The following SLK variants were observed in gnomAD, a reference collection of about 807,000 sequenced individuals.
The protein encoded by SLK is STE20 like kinase, also known as STE20-like serine/threonine-protein kinase.
Under a neutral mutation model 147.7 loss-of-function variants are expected in SLK, and 67 were observed. The observed-to-expected ratio is 0.45, with a 90% confidence interval of 0.37 to 0.56. The LOEUF is 0.56. Ranked by LOEUF, SLK falls within the 20% of genes least tolerant of loss-of-function variation. The pLI, the probability that SLK is intolerant of heterozygous loss-of-function variation, is 0.00. For missense variants in SLK, 1,136 were observed against 1,438.8 expected (o/e 0.79, Z 3.41); for synonymous variants, 441 against 475.0 (o/e 0.93, Z 0.93).
rs770233096 is a variant in SLK, at chr10:104,003,044, C to T, written c.1866C>T (p.Asn622=). 45 of 1,613,698 alleles carry T rather than the reference C, an allele frequency of 2.8e-5. No homozygotes were observed. Among genetic ancestry groups the T allele is most frequent in the Non-Finnish European group, 3.7e-5 (44 of 1,179,878 alleles). Residue 622 remains asparagine (N), a synonymous_variant, in exon 9 of 19, where the codon AAC becomes AAT. Coordinates refer to ENST00000369755, the MANE Select transcript of SLK (RefSeq NM_014720.4). ...GTAAAAATAAGGAACAAGCAATAAA[C>T]AGTTCAGAGAACATAATGGACATCA... is the stretch of plus-strand genomic sequence containing the variant. ...EEGKNKEQAI[N]SSENIMDINE... is the part of the protein sequence containing the mutation.
chr10:103,989,460 G>GTTTTTTTTTT (rs1202426790), intron 1 of SLK, among the ~76,000 whole-genome samples: 13 of 96,808 alleles, frequency 1.3e-4, no homozygotes, highest in African/African-American at 6.1e-4. Flanking sequence ...CAGTGTGGCA[G>GTTTTTTTTTT]TTTCTTTTTT....
At chr10:103,973,235 A>C (rs1843817392) in intron 1 of SLK, among the ~76,000 whole-genome samples, 1 of 152,074 alleles carries the variant, frequency 6.6e-6, no homozygotes, top group Non-Finnish European at 1.5e-5. Context: ...GTCCAGTTTC[A>C]TTTTTTTCCC....
intron 18 of SLK, among the ~76,000 whole-genome samples, chr10:104,024,467 T>G (rs1394749873): frequency 6.6e-6 from 1 of 152,184 alleles, no homozygotes; most frequent in Non-Finnish European, 1.5e-5. Flanking sequence ...CCTCTCCCAC[T>G]AGCCACTTTG....
intron 17 of SLK, among the ~76,000 whole-genome samples, chr10:104,021,300 C>T (rs936851306): frequency 5.9e-5 from 9 of 152,172 alleles, no homozygotes; most frequent in African/African-American, 1.2e-4. Flanking sequence ...ATTCTGTACT[C>T]ACGGGTAAAA....
rs776856700 is a variant in SLK, at chr10:104,019,739, A to G, written c.3138A>G (p.Thr1046=). Residue 1046 remains threonine, a synonymous_variant, in exon 16 of 19, where the codon ACA becomes ACG. Transcript: ENST00000369755. ...TCTATTTAAAACTTTCATAGGAAAC[A>G]GAGCAAATGCAGCGTTACAATCAAA... The part of the protein sequence containing the change: ...HQLLKRHEKE[T]EQMQRYNQRL... The G allele has an allele frequency of 1.1e-5, 18 of 1,612,964 alleles. No homozygotes were observed. In the African/African-American group the frequency reaches 2.3e-4, roughly 20 times the overall value.
chr10:104,026,612 C>T lies in SLK; in HGVS notation c.*892C>T, dbSNP rs563402371. ...CTGTGTTTATTTTCTAAAATAATACCTGAGCTGGTTAAATGATTTCTCTCC... is the reference window on the plus strand; with the variant it reads ...CTGTGTTTATTTTCTAAAATAATACTTGAGCTGGTTAAATGATTTCTCTCC... On this transcript the variant is annotated 3_prime_UTR_variant, in exon 19 of 19. Transcript: ENST00000369755. 8 of 152,086 alleles carry T rather than the reference C, an allele frequency of 5.3e-5. No homozygotes were observed. In the East Asian group the frequency reaches 1.2e-3, roughly 22 times the overall value. 9.4% of individuals were successfully genotyped at this position (152,086 alleles called of 1,614,324 possible).
At chr10:103,997,170 A>G (rs1844185761) in intron 4 of SLK, among the ~76,000 whole-genome samples, 1 of 152,210 alleles carries the variant, frequency 6.6e-6, no homozygotes, top group South Asian at 2.1e-4. Flanking sequence ...ATGTGGAATC[A>G]TACAACATTT....
At chr10:103,983,328 C>T (rs1843970546) in intron 1 of SLK, among the ~76,000 whole-genome samples, 1 of 152,126 alleles carries the variant, frequency 6.6e-6, no homozygotes, top group South Asian at 2.1e-4. Flanking sequence ...GTGCGGTTTC[C>T]TCTCTCTTCA....
At chr10:103,977,727 A>G (rs545479953) in intron 1 of SLK, among the ~76,000 whole-genome samples, 18 of 152,348 alleles carry the variant, frequency 1.2e-4, no homozygotes, top group African/African-American at 4.1e-4. Flanking sequence ...TACTATTTTG[A>G]ATGGGATAGT....
chr10:103,971,126 A>G (rs1843786677), intron 1 of SLK, among the ~76,000 whole-genome samples: 1 of 151,908 alleles, frequency 6.6e-6, no homozygotes. Flanking sequence ...CACATTTAAC[A>G]GTTACTTCCT....
At position 104,018,815 on chromosome 10, in the gene SLK, A is replaced by G; in HGVS notation, c.3039A>G (p.Glu1013=). The change falls in exon 15 of 19, where the codon GAA becomes GAG. Residue 1013 remains glutamate (E), a synonymous_variant. Transcript: ENST00000369755. ...AREAAIWELE[E]RHLQEKHQLL... The stretch of plus-strand genomic sequence containing the variant: ...AAGCTGCAATTTGGGAGCTCGAAGA[A>G]CGACACTTACAAGAAAAACACCAGC... 1 of 1,613,046 alleles carries G rather than the reference A, an allele frequency of 6.2e-7. No homozygotes were observed. The highest frequency in any genetic ancestry group is 2.2e-5 in the East Asian group (1 of 44,846).
intron 18 of SLK, 105 bp downstream of exon 18, chr10:104,021,838 CATAG>C: frequency 1.6e-6 from 1 of 644,268 alleles, no homozygotes; most frequent in South Asian, 1.7e-5. Flanking sequence ...GGGCAGGAAA[CATAG>C]AGATGAAAAG....
chr10:103,998,141 A>G (rs1844199524), intron 4 of SLK, among the ~76,000 whole-genome samples: 1 of 152,154 alleles, frequency 6.6e-6, no homozygotes, highest in Non-Finnish European at 1.5e-5. Flanking sequence ...AAAAACAACA[A>G]AGGTTAGAAT....
intron 1 of SLK, chr10:103,974,396 G>A (rs1051277721): frequency 1.3e-5 from 2 of 150,750 alleles, no homozygotes; most frequent in African/African-American, 4.9e-5. Flanking sequence ...TGGATCACGA[G>A]GTCAGGAGAT....
chr10:103,990,680 G>T lies in SLK; in HGVS notation c.156G>T (p.Gln52His), dbSNP rs752920782. The change falls in exon 2 of 19, where the codon CAG becomes CAT. Residue 52 changes from glutamine to histidine, a missense_variant. Physicochemically the swap from Gln to His is conservative, Grantham distance 24 (BLOSUM62 0). Coordinates refer to ENST00000369755, the MANE Select transcript of SLK (RefSeq NM_014720.4). ...DGAFGKVYKA[Q>H]NKETSVLAAA... is the part of the protein sequence containing the mutation. ...TCTGATACTTTCATTTTCAGGCCCAGAATAAAGAGACCAGTGTTTTAGCTG... is the reference window on the plus strand; with the variant it reads ...TCTGATACTTTCATTTTCAGGCCCATAATAAAGAGACCAGTGTTTTAGCTG... 7 of 1,547,450 alleles carry T rather than the reference G, an allele frequency of 4.5e-6. No individual in the cohort carries two copies. Among genetic ancestry groups the T allele is most frequent in the South Asian group, 3.9e-5 (3 of 77,400 alleles).
chr10:104,020,178 G>A (rs1844516553), intron 16 of SLK, among the ~76,000 whole-genome samples: 1 of 152,172 alleles, frequency 6.6e-6, no homozygotes, highest in African/African-American at 2.4e-5. Context: ...CCTAAGACCA[G>A]CCCTGGGAAT....
Position 103,970,708 on chromosome 10 carries a change from G to A in SLK, c.150+2813G>A, listed in dbSNP as rs368150245. Among the ~76,000 whole-genome samples the A allele has an allele frequency of 4.6e-5, 7 of 152,074 alleles. No homozygotes were observed. The South Asian group carries it at 8.3e-4, about 18-fold the overall frequency. ...AAGCTATGGAACCTTAACATAGTAC[G>A]TAGTAGTATGTAGTAGAAAACTGTT... is the stretch of plus-strand genomic sequence containing the variant. On this transcript the variant is annotated intron_variant, in intron 1 of 18. Coordinates refer to ENST00000369755, the MANE Select transcript of SLK (RefSeq NM_014720.4).
At chr10:103,992,048 A>C (rs1167956322) in intron 2 of SLK, among the ~76,000 whole-genome samples, 2 of 151,196 alleles carry the variant, frequency 1.3e-5, no homozygotes, top group Non-Finnish European at 3.0e-5. Flanking sequence ...GGAAAGGTAC[A>C]TGGTGTTATG....
At chr10:103,972,650 C>A (rs947827255) in intron 1 of SLK, among the ~76,000 whole-genome samples, 2 of 142,126 alleles carry the variant, frequency 1.4e-5, no homozygotes, top group African/African-American at 5.3e-5. Context: ...CCAGCCTGGG[C>A]GAAAGAGCAA....
Sources: allele counts gnomAD v4.1 joint callset (sites outside exome capture counted in the v4.1 genomes callset), GRCh38; gene constraint gnomAD v4.1.1; transcripts MANE v1.5; gene names NCBI Gene and HGNC (gene_info 2026-07-23, HGNC 2026-07-21).